USP32: variants seen among roughly 807,000 people sequenced by gnomAD.
USP32 encodes the protein ubiquitin carboxyl-terminal hydrolase 32.
A neutral mutation model predicts 204.8 loss-of-function variants in USP32; 59 were observed. The ratio of observed to expected loss-of-function variants is 0.29; its 90% CI spans 0.23 to 0.36. USP32 has a LOEUF of 0.36. USP32 is among the 10% of genes least tolerant of loss of function. The probability of loss-of-function intolerance (pLI) is 1.00; values close to 1 mark genes in which losing one functional copy is unlikely to be tolerated. For synonymous variants in USP32, 517 were observed against 678.4 expected (o/e 0.76, Z 3.70); for missense variants, 1,160 against 1,946.4 (o/e 0.60, Z 7.60).
upstream of USP32, among the ~76,000 whole-genome samples, chr17:60,394,605 TG>T (rs2089887152): frequency 6.6e-6 from 1 of 152,322 alleles, no homozygotes; most frequent in East Asian, 1.9e-4. Flanking sequence ...AGAGATACAT[TG>T]TTGTGGTGCA....
chr17:60,259,194 T>C (rs2086391419), intron 9 of USP32, among the ~76,000 whole-genome samples: 1 of 152,162 alleles, frequency 6.6e-6, no homozygotes, highest in African/African-American at 2.4e-5. Flanking sequence ...AAGATGCATT[T>C]ACAGATCACT....
At chr17:60,414,580 C>A (rs898296813) in intron 1 of USP32, among the ~76,000 whole-genome samples, 1 of 150,746 alleles carries the variant, frequency 6.6e-6, no homozygotes, top group Non-Finnish European at 1.5e-5. Context: ...AGGCGCCCAC[C>A]ACCAGGCCCG....
chr17:60,351,952 C>T (rs556981198), intron 1 of USP32, among the ~76,000 whole-genome samples: 24 of 150,926 alleles, frequency 1.6e-4, no homozygotes, highest in South Asian at 2.1e-4. Flanking sequence ...CAAAAAAAAA[C>T]GCAAAGGGCT....
chr17:60,281,398 C>T (rs537170298), intron 5 of USP32, among the ~76,000 whole-genome samples: 16 of 151,966 alleles, frequency 1.1e-4, no homozygotes, highest in Non-Finnish European at 1.8e-4. Flanking sequence ...ATTAGCCAGG[C>T]GCGGTAGCAG....
intron 2 of USP32, among the ~76,000 whole-genome samples, chr17:60,325,281 G>A (rs1306177528): frequency 6.6e-6 from 1 of 152,064 alleles, no homozygotes; most frequent in South Asian, 2.1e-4. Context: ...AGGTGTGGCA[G>A]TGTGCACCTG....
chr17:60,181,774 T>G, intron 31 of USP32, 26 bp from the exon 32 acceptor site: 1 of 1,586,192 alleles, frequency 6.3e-7, no homozygotes, highest in South Asian at 1.1e-5. Flanking sequence ...AAGAAAAGAT[T>G]CACAAATTCA....
At chr17:60,349,623 ATTATATATATATATATATATT>A (rs2088892379) in intron 1 of USP32, among the ~76,000 whole-genome samples, 1 of 65,694 alleles carries the variant, frequency 1.5e-5, no homozygotes, top group African/African-American at 1.2e-4. Flanking sequence ...ATATATATAT[ATTATATATATATATATATATT>A]ATATATATAC....
At chr17:60,346,200 C>A (rs2088781491) in intron 1 of USP32, among the ~76,000 whole-genome samples, 1 of 151,880 alleles carries the variant, frequency 6.6e-6, no homozygotes, top group Non-Finnish European at 1.5e-5. Flanking sequence ...CCACCTTGGC[C>A]TCCAGAAATG....
At chr17:60,183,074 C>A (rs1228278317) in intron 31 of USP32, 91 bp downstream of exon 31, 1 of 1,487,578 alleles carries the variant, frequency 6.7e-7, no homozygotes, top group Non-Finnish European at 9.0e-7. Context: ...TTCCACCCAA[C>A]CAACCTGATG....
At chr17:60,213,290 T>C (rs1309720448) in intron 18 of USP32, among the ~76,000 whole-genome samples, 1 of 152,230 alleles carries the variant, frequency 6.6e-6, no homozygotes, top group African/African-American at 2.4e-5. Flanking sequence ...TTTAAGGAAC[T>C]ATAAATGTGT....
At chr17:60,287,570 A>G (rs1359866361) in intron 5 of USP32, among the ~76,000 whole-genome samples, 1 of 152,034 alleles carries the variant, frequency 6.6e-6, no homozygotes, top group African/African-American at 2.4e-5. Flanking sequence ...ATTTTTACTG[A>G]GCCAGGTAAG....
At chr17:60,289,255 G>A (rs1247818532) in intron 4 of USP32, among the ~76,000 whole-genome samples, 2 of 152,078 alleles carry the variant, frequency 1.3e-5, no homozygotes, top group African/African-American at 2.4e-5. Context: ...TGATCTGCCC[G>A]CCTCGGCCTC....
At position 60,214,651 on chromosome 17, in the gene USP32, T is replaced by C; in HGVS notation, c.1991A>G (p.Glu664Gly). The change falls in exon 17 of 34, where the codon GAA (glutamate) becomes GGA (glycine). Residue 664 changes from glutamate (E) to glycine (G), a missense_variant. Glu to Gly is a moderately conservative substitution (Grantham distance 98, BLOSUM62 -2). This residue lies in a region of USP32 where 132 missense variants were observed against 432.8 expected (regional missense o/e 0.30). Coordinates refer to ENST00000300896, the MANE Select transcript of USP32 (RefSeq NM_032582.4). ...GTTGTATAGCCACAGGCGCATATCTTCCTCTTTAATGCGCAGCCTTTGAGA... is the reference window on the plus strand; with the variant it reads ...GTTGTATAGCCACAGGCGCATATCTCCCTCTTTAATGCGCAGCCTTTGAGA... Reference protein sequence around the residue: ...YLSQRLRIKEEDMRLWLYNSE... With the variant: ...YLSQRLRIKEGDMRLWLYNSE... The C allele has an allele frequency of 6.2e-7, 1 of 1,613,836 alleles. No individual in the cohort carries two copies. Among genetic ancestry groups the C allele is most frequent in the Non-Finnish European group, 8.5e-7 (1 of 1,179,764 alleles).
intron 1 of USP32, among the ~76,000 whole-genome samples, chr17:60,380,476 G>C (rs1209692138): frequency 1.3e-5 from 2 of 152,184 alleles, no homozygotes; most frequent in Non-Finnish European, 2.9e-5. Context: ...GCTGAAATAG[G>C]AGGATGGCTT....
intron 5 of USP32, among the ~76,000 whole-genome samples, chr17:60,281,276 C>T (rs570000131): frequency 2.6e-5 from 4 of 152,182 alleles, no homozygotes; most frequent in Non-Finnish European, 5.9e-5. Context: ...CAGTGGCTCA[C>T]GCCTGTAATC....
chr17:60,291,437 A>G (rs1301032514), intron 4 of USP32, among the ~76,000 whole-genome samples: 1 of 152,204 alleles, frequency 6.6e-6, no homozygotes, highest in Non-Finnish European at 1.5e-5. Flanking sequence ...GTCAAGGCTA[A>G]TAATAAAGCA....
chr17:60,391,149 T>C (rs2089827188), intron 1 of USP32, among the ~76,000 whole-genome samples: 3 of 152,216 alleles, frequency 2.0e-5, no homozygotes, highest in African/African-American at 7.2e-5. Flanking sequence ...CAATGCCATT[T>C]CATGGAGAGG....
intron 25 of USP32, among the ~76,000 whole-genome samples, chr17:60,206,311 T>C (rs1453532535): frequency 6.8e-6 from 1 of 147,174 alleles, no homozygotes; most frequent in Non-Finnish European, 1.5e-5. Flanking sequence ...AGTGAGACCA[T>C]TTCTCAAAAT....
At chr17:60,287,879 C>T (rs944391297) in intron 5 of USP32, among the ~76,000 whole-genome samples, 1 of 151,742 alleles carries the variant, frequency 6.6e-6, no homozygotes, top group African/African-American at 2.4e-5. Context: ...TTCGGGAGGC[C>T]GAGGCGTGTG....
Sources: allele counts gnomAD v4.1 joint callset (sites outside exome capture counted in the v4.1 genomes callset), GRCh38; gene constraint gnomAD v4.1.1; regional missense constraint gnomAD v4.1.1; transcripts MANE v1.5; gene names NCBI Gene and HGNC (gene_info 2026-07-23, HGNC 2026-07-21).